The following CTNND2 variants were observed in gnomAD, a reference collection of about 807,000 sequenced individuals.
The protein encoded by CTNND2 is catenin delta 2.
In CTNND2, 22 loss-of-function variants were observed where a neutral mutation model predicts 144.4. That is an observed-to-expected ratio of 0.15 (90% CI 0.11 to 0.22). The LOEUF is 0.22. Among genes scored for constraint, CTNND2 ranks in the 10% least tolerant of loss-of-function variants. The probability of loss-of-function intolerance (pLI) is 1.00; values close to 1 mark genes in which losing one functional copy is unlikely to be tolerated. For synonymous variants in CTNND2, 751 were observed against 695.6 expected (o/e 1.08, Z -1.25); for missense variants, 1,353 against 1,618.8 (o/e 0.84, Z 2.82).
chr5:11,722,908 A>G (rs962193385), intron 2 of CTNND2, among the ~76,000 whole-genome samples: 17 of 152,200 alleles, frequency 1.1e-4, no homozygotes, highest in African/African-American at 4.1e-4. Flanking sequence ...TAAACACAAA[A>G]AATTACTTCA....
chr5:11,249,588 T>A (rs1040279313), intron 9 of CTNND2, among the ~76,000 whole-genome samples: 1 of 152,178 alleles, frequency 6.6e-6, no homozygotes, highest in African/African-American at 2.4e-5. Context: ...TACTGTGAGT[T>A]GTGTGGTCAT....
chr5:11,238,566 G>A (rs26470), intron 9 of CTNND2, among the ~76,000 whole-genome samples: 2,224 of 152,260 alleles, frequency 0.015, 51 homozygotes, highest in African/African-American at 0.051. Context: ...TTTACAGCAA[G>A]TGAATAAAAT....
chr5:11,597,804 C>A (rs1779589223), intron 2 of CTNND2, among the ~76,000 whole-genome samples: 1 of 152,090 alleles, frequency 6.6e-6, no homozygotes, highest in South Asian at 2.1e-4. Flanking sequence ...AACACCTGGG[C>A]TCAAGTGATT....
intron 1 of CTNND2, among the ~76,000 whole-genome samples, chr5:11,823,444 G>T (rs921647183): frequency 2.0e-5 from 3 of 152,158 alleles, no homozygotes; most frequent in Admixed American, 2.0e-4. Context: ...TTCTGAAAGT[G>T]TAACAGCCAC....
At chr5:11,213,876 A>C (rs1346657803) in intron 10 of CTNND2, among the ~76,000 whole-genome samples, 3 of 152,222 alleles carry the variant, frequency 2.0e-5, no homozygotes, top group Non-Finnish European at 2.9e-5. Context: ...ATATATGTCC[A>C]TAAGTAAATG....
At chr5:11,894,182 G>A (rs1560978116) in intron 1 of CTNND2, among the ~76,000 whole-genome samples, 1 of 150,810 alleles carries the variant, frequency 6.6e-6, no homozygotes, top group East Asian at 2.0e-4. Flanking sequence ...CCTCACAGGT[G>A]CCAGACGCGG....
In CTNND2 at chr5:11,372,463, G is replaced by C. The variant is rs138953920; in HGVS notation, c.1178-7573C>G. ...CTTTGCATTTTTACTTGCAGTGGAA[G>C]GTTGTTCTTCCTCTCTAGTGAAATG... On this transcript the variant is annotated intron_variant, in intron 7 of 21. Transcript: ENST00000304623. Among the ~76,000 whole-genome samples the C allele has an allele frequency of 3.2e-3, 484 of 152,278 alleles. 3 individuals carry two copies. Among genetic ancestry groups the C allele is most frequent in the Non-Finnish European group, 4.5e-3 (307 of 68,010 alleles).
chr5:11,290,758 T>C (rs1243279284), intron 9 of CTNND2, among the ~76,000 whole-genome samples: 2 of 152,212 alleles, frequency 1.3e-5, no homozygotes, highest in Non-Finnish European at 2.9e-5. Flanking sequence ...CTCAGATCCC[T>C]CTATCACATT....
At chr5:11,787,723 C>CAT (rs72535961) in intron 1 of CTNND2, among the ~76,000 whole-genome samples, 149,273 of 152,286 alleles carry the variant, frequency 0.98, 73,226 homozygotes, top group East Asian at 1. Flanking sequence ...TCTGTGCACA[C>CAT]GTGTGTGCAT....
intron 3 of CTNND2, among the ~76,000 whole-genome samples, chr5:11,519,855 C>G (rs1263417296): frequency 6.6e-6 from 1 of 151,920 alleles, no homozygotes; most frequent in Non-Finnish European, 1.5e-5. Context: ...ATATCTCTAT[C>G]TGGCCAGGCA....
rs28360876 is a variant in CTNND2 at position 11,128,883 on chromosome 5, C to T, written c.2160-11316G>A. ...ATATATAATATATAAATATATAATA[C>T]ATAAATATATATTACATATATAAAT... is the stretch of plus-strand genomic sequence containing the variant. On this transcript the variant is annotated intron_variant, in intron 12 of 21. Coordinates refer to ENST00000304623, the MANE Select transcript of CTNND2 (RefSeq NM_001332.4). Among the ~76,000 whole-genome samples, 40 of 47,606 alleles carry T rather than the reference C, an allele frequency of 8.4e-4. 4 individuals carry two copies. Among genetic ancestry groups the T allele is most frequent in the African/African-American group, 2.6e-3 (39 of 15,050 alleles). The allele number at this position is 47,606 out of a possible 152,430, so 31.2% of individuals were successfully genotyped here.
intron 12 of CTNND2, among the ~76,000 whole-genome samples, chr5:11,151,818 T>C (rs1401522816): frequency 6.6e-6 from 1 of 152,216 alleles, no homozygotes; most frequent in East Asian, 1.9e-4. Flanking sequence ...TCACTTTTTC[T>C]AGCTTAGGAA....
chr5:11,569,633 T>C (rs1334908190), intron 2 of CTNND2, among the ~76,000 whole-genome samples: 2 of 152,064 alleles, frequency 1.3e-5, no homozygotes, highest in East Asian at 3.8e-4. Flanking sequence ...CTTCCCTCAA[T>C]AAATATGTTA....
At chr5:11,598,390 G>A (rs937636250) in intron 2 of CTNND2, among the ~76,000 whole-genome samples, 1 of 152,104 alleles carries the variant, frequency 6.6e-6, no homozygotes, top group Non-Finnish European at 1.5e-5. Flanking sequence ...TTCTAGGTGT[G>A]CCAGGACTCC....
rs933075267 is a variant in CTNND2, at chr5:11,870,619, G to A, written c.37+33198C>T. ...ATCAAGTGCCTAGTCGGCTTTTACAGAGCAAAGCAAGAAAACCTGTCCTTT... is the reference window on the plus strand; with the variant it reads ...ATCAAGTGCCTAGTCGGCTTTTACAAAGCAAAGCAAGAAAACCTGTCCTTT... On this transcript the variant is annotated intron_variant, in intron 1 of 21. Coordinates refer to ENST00000304623, the MANE Select transcript of CTNND2 (RefSeq NM_001332.4). Among the ~76,000 whole-genome samples, 8 of 152,334 alleles carry A rather than the reference G, an allele frequency of 5.3e-5. No individual in the cohort carries two copies. In the East Asian group the frequency reaches 1.5e-3, roughly 29 times the overall value.
chr5:11,042,373 G>A (rs531268908), intron 16 of CTNND2, among the ~76,000 whole-genome samples: 2 of 152,198 alleles, frequency 1.3e-5, no homozygotes, highest in Non-Finnish European at 2.9e-5. Flanking sequence ...AAATGCATCT[G>A]TCTTGTTCTT....
chr5:11,583,575 G>C (rs1337954181), intron 2 of CTNND2, among the ~76,000 whole-genome samples: 1 of 152,204 alleles, frequency 6.6e-6, no homozygotes, highest in African/African-American at 2.4e-5. Context: ...ATCATACTGA[G>C]ATAATGTCTA....
chr5:11,849,527 T>G (rs954857934), intron 1 of CTNND2, among the ~76,000 whole-genome samples: 4 of 152,200 alleles, frequency 2.6e-5, no homozygotes, highest in African/African-American at 9.6e-5. Flanking sequence ...GAGTCCCAAC[T>G]AATCAGGAAA....
intron 1 of CTNND2, among the ~76,000 whole-genome samples, chr5:11,856,817 C>A (rs1313134473): frequency 6.6e-6 from 1 of 152,066 alleles, no homozygotes; most frequent in Non-Finnish European, 1.5e-5. Flanking sequence ...TAAATTTGAA[C>A]CTTATGTGAT....
Sources: gnomAD v4.1 joint callset for allele counts (sites outside exome capture counted in the v4.1 genomes callset) on GRCh38, gnomAD v4.1.1 for gene constraint, MANE v1.5 for transcripts, NCBI Gene and HGNC (gene_info 2026-07-23, HGNC 2026-07-21) for gene names.